IFNA13: variants seen among roughly 807,000 people sequenced by gnomAD.
The protein encoded by IFNA13 is interferon alpha 13.
For synonymous variants in IFNA13, 61 were observed against 86.3 expected (o/e 0.71, Z 1.62); for missense variants, 166 against 220.7 (o/e 0.75, Z 1.57).
rs375102230 is a variant in IFNA13, at chr9:21,367,912, C to T, written c.99G>A (p.Leu33=). Residue 33 remains leucine (L), a synonymous_variant, in exon 1 of 1, where the codon CTG becomes CTA. Transcript: ENST00000610660. Reference sequence around the variant, plus strand: ...GGAGCATCAAGGTCCTCCTGTTATCCAGGCTGTGGGTCTCAGGGAGATCAC... The same window carrying T: ...GGAGCATCAAGGTCCTCCTGTTATCTAGGCTGTGGGTCTCAGGGAGATCAC... 2.7e-5 allele frequency: 44 copies of T among 1,610,842 alleles called. No homozygotes were observed. In the African/African-American group the frequency reaches 5.5e-4, roughly 20 times the overall value.
At chr9:21,367,434 G>C (rs200357329) in exon 1 of IFNA13, 48 of 1,613,932 alleles carry the variant, frequency 3.0e-5, no homozygotes, top group Non-Finnish European at 3.6e-5. Flanking sequence ...TGTTGGACCA[G>C]GTGTTATTCC....
chr9:21,367,405 G>A (rs774282966), downstream of IFNA13: 1 of 1,613,034 alleles, frequency 6.2e-7, no homozygotes, highest in South Asian at 1.1e-5. Flanking sequence ...TGGTATATGA[G>A]TCAATAAGAA....
rs568939377 is a variant in IFNA13, at chr9:21,368,057, C to G, written c.-47G>C. The G allele has an allele frequency of 2.5e-6, 4 of 1,604,690 alleles. No homozygotes were observed. The East Asian group carries it at 8.9e-5, about 36-fold the overall frequency. On this transcript the variant is annotated 5_prime_UTR_variant, in exon 1 of 1. Coordinates refer to ENST00000610660, the Ensembl canonical transcript of IFNA13. Reference sequence around the variant, plus strand: ...GCTTGCTGAGATGGGTGACTCTGAACCTTGGGCTCTAGGTTCTCTGAAGGC... The same window carrying G: ...GCTTGCTGAGATGGGTGACTCTGAAGCTTGGGCTCTAGGTTCTCTGAAGGC...
At chr9:21,368,007 T>C (rs1820654294) in exon 1 of IFNA13, 1 of 1,612,534 alleles carries the variant, frequency 6.2e-7, no homozygotes, top group Non-Finnish European at 8.5e-7. Flanking sequence ...GGCGAGGCCA[T>C]CATAGATATT....
rs753484977 is a variant in IFNA13 at position 21,367,439 on chromosome 9, T to C, written c.572A>G (p.Ter191=). ...AATTGTTTCATGTTGGACCAGGTGT[T>C]ATTCCTTCCTCCTTAATCTTTCTTG... The change falls in exon 1 of 1, where the codon TAA becomes TGA. Residue 191 remains the stop codon, a stop_retained_variant. Coordinates refer to ENST00000610660, the Ensembl canonical transcript of IFNA13. The C allele has an allele frequency of 3.1e-6, 5 of 1,613,886 alleles. No individual in the cohort carries two copies. The African/African-American group carries it at 5.3e-5, about 17-fold the overall frequency.
chr9:21,368,018 G>A (rs370635945), exon 1 of IFNA13: 4 of 1,612,666 alleles, frequency 2.5e-6, no homozygotes, highest in Non-Finnish European at 2.5e-6. Context: ...CATAGATATT[G>A]CAGATGCTTC....
exon 1 of IFNA13, chr9:21,367,433 A>T: frequency 6.2e-7 from 1 of 1,614,056 alleles, no homozygotes. Context: ...ATGTTGGACC[A>T]GGTGTTATTC....
chr9:21,367,977 G>A, exon 1 of IFNA13: 3 of 1,613,042 alleles, frequency 1.9e-6, no homozygotes. Context: ...AGCACCACCA[G>A]GGCCATCAGT....
the IFNA13 span, chr9:21,367,621 CA>C: frequency 2.5e-6 from 4 of 1,572,684 alleles, no homozygotes; most frequent in East Asian, 9.0e-5. Flanking sequence ...GAGTTTCTCC[CA>C]CCCTCTCCTC....
At chr9:21,367,942 C>T (rs1820653027) in exon 1 of IFNA13, 1 of 1,612,476 alleles carries the variant, frequency 6.2e-7, no homozygotes, top group Non-Finnish European at 8.5e-7. Flanking sequence ...GATCACAGCC[C>T]AGAGAGCAGC....
At chr9:21,367,442 T>A in exon 1 of IFNA13, 1 of 1,613,984 alleles carries the variant, frequency 6.2e-7, no homozygotes, top group Non-Finnish European at 8.5e-7. Flanking sequence ...CAGGTGTTAT[T>A]CCTTCCTCCT....
chr9:21,367,372 G>A (rs2773830), downstream of IFNA13: 448 of 1,588,628 alleles, frequency 2.8e-4, no homozygotes, highest in East Asian at 2.5e-3. Flanking sequence ...CTTTGAAATG[G>A]CAGAATTCAT....
chr9:21,367,409 A>G (rs761899951), downstream of IFNA13: 20 of 1,613,082 alleles, frequency 1.2e-5, no homozygotes, highest in Admixed American at 1.7e-5. Flanking sequence ...ATATGAGTCA[A>G]TAAGAATTGT....
At chr9:21,367,378 T>C, downstream of IFNA13, 4 of 1,598,020 alleles carry the variant, frequency 2.5e-6, no homozygotes, top group Non-Finnish European at 3.4e-6. Context: ...AATGGCAGAA[T>C]TCATGAAAGC....
At chr9:21,367,532 T>C in exon 1 of IFNA13, 3 of 1,607,262 alleles carry the variant, frequency 1.9e-6, no homozygotes, top group Non-Finnish European at 2.5e-6. Flanking sequence ...ACAAGGGCTG[T>C]ATTTCTTCTC....
downstream of IFNA13, chr9:21,367,380 C>A: frequency 6.3e-7 from 1 of 1,598,724 alleles, no homozygotes; most frequent in Non-Finnish European, 8.5e-7. Context: ...TGGCAGAATT[C>A]ATGAAAGCGT....
downstream of IFNA13, chr9:21,367,419 T>C: frequency 6.2e-7 from 1 of 1,613,450 alleles, no homozygotes; most frequent in Non-Finnish European, 8.5e-7. Flanking sequence ...ATAAGAATTG[T>C]TTCATGTTGG....
exon 1 of IFNA13, chr9:21,368,042 A>T: frequency 3.7e-6 from 6 of 1,611,896 alleles, no homozygotes; most frequent in Non-Finnish European, 5.1e-6. Flanking sequence ...GCTTGCTGAG[A>T]TGGGTGACTC....
In IFNA13 at chr9:21,367,642, A is replaced by C. The variant is rs755128598; in HGVS notation, c.369T>G (p.Cys123Trp). 7.1e-5 allele frequency: 110 copies of C among 1,545,564 alleles called. No individual in the cohort carries two copies. The South Asian group carries it at 1.3e-3, about 18-fold the overall frequency. The change falls in exon 1 of 1, where the codon TGT (cysteine) becomes TGG (tryptophan). Residue 123 changes from cysteine to tryptophan, a missense_variant. Physicochemically the swap from Cys to Trp is radical, Grantham distance 215 (BLOSUM62 -2). Coordinates refer to ENST00000610660, the Ensembl canonical transcript of IFNA13. Reference sequence around the variant, plus strand: ...CTCCCACCCTCTCCTCCTGCATCACACAGGCTTCCAAGTCATTCAGCTGCT... The same window carrying C: ...CTCCCACCCTCTCCTCCTGCATCACCCAGGCTTCCAAGTCATTCAGCTGCT...
Sources: gnomAD v4.1 joint callset for allele counts on GRCh38, gnomAD v4.1.1 for gene constraint, MANE v1.5 for transcripts, NCBI Gene and HGNC (gene_info 2026-07-23, HGNC 2026-07-21) for gene names.